CUL2: variants seen among roughly 807,000 people sequenced by gnomAD.
The protein encoded by CUL2 is cullin-2.
In CUL2, 22 loss-of-function variants were observed where a neutral mutation model predicts 110.2. The observed-to-expected ratio is 0.20, with a 90% CI of 0.14 to 0.28. The LOEUF is 0.28. Among genes scored for constraint, CUL2 ranks in the 10% least tolerant of loss-of-function variants. The probability of loss-of-function intolerance (pLI) is 1.00; values close to 1 mark genes in which losing one functional copy is unlikely to be tolerated. For synonymous variants in CUL2, 279 were observed against 293.2 expected (o/e 0.95, Z 0.49); for missense variants, 631 against 905.5 (o/e 0.70, Z 3.89).
chr10:35,097,842 C>T (rs1388320550), intron 2 of CUL2, among the ~76,000 whole-genome samples: 1 of 151,920 alleles, frequency 6.6e-6, no homozygotes, highest in East Asian at 1.9e-4. Flanking sequence ...GCCTGTAGTC[C>T]CAGCTACTGG....
rs1053961220 is a variant in CUL2 at position 35,104,620 on chromosome 10, G to A, written c.-50-3560C>T. ...GTAAATTTTAGGAAACCATAGTAAT[G>A]TGCAAATACAGGCACTCAATAAATT... On this transcript the variant is annotated intron_variant, in intron 1 of 5. Transcript: ENST00000685421. Among the ~76,000 whole-genome samples, 24 of 152,108 alleles carry A rather than the reference G, an allele frequency of 1.6e-4. 1 individual carries two copies. Among genetic ancestry groups the A allele is most frequent in the Admixed American group, 6.6e-5 (1 of 15,248 alleles).
At chr10:35,113,770 G>A (rs1026976473) in intron 1 of CUL2, among the ~76,000 whole-genome samples, 11 of 151,168 alleles carry the variant, frequency 7.3e-5, no homozygotes, top group Admixed American at 5.9e-4. Context: ...GCAGTGGCAC[G>A]ATCTCAGCTT....
chr10:35,031,273 C>T lies in CUL2; in HGVS notation c.1386+27G>A. ...TGTGCTTGTGAATGAATTTCTAGGACAATACCACATTAAAGACTTACATTA... is the reference window on the plus strand; with the variant it reads ...TGTGCTTGTGAATGAATTTCTAGGATAATACCACATTAAAGACTTACATTA... On this transcript the variant is annotated intron_variant, in intron 14 of 20. Coordinates refer to ENST00000374749, the MANE Select transcript of CUL2 (RefSeq NM_003591.4). The surrounding 1 kb of genome is among the most constrained non-coding windows in gnomAD (Gnocchi z 4.4). 7.1e-7 allele frequency: 1 copy of T among 1,406,662 alleles called. No homozygotes were observed. Among genetic ancestry groups the T allele is most frequent in the Non-Finnish European group, 9.8e-7 (1 of 1,015,666 alleles). The allele number at this position is 1,406,662 out of a possible 1,614,324, so 87.1% of individuals were successfully genotyped here.
At chr10:35,054,573 G>A in intron 4 of CUL2, 34 bp from the exon 5 acceptor site, 30 of 1,163,836 alleles carry the variant, frequency 2.6e-5, no homozygotes, top group Non-Finnish European at 3.5e-5. Context: ...TGGATATTAA[G>A]TTAAAGTCAG....
intron 9 of CUL2, among the ~76,000 whole-genome samples, chr10:35,036,887 C>A (rs1249702295): frequency 4.6e-5 from 7 of 152,132 alleles, no homozygotes; most frequent in Admixed American, 2.6e-4. Flanking sequence ...GTGCACACCA[C>A]CCCGCCTGGC....
Position 35,031,371 on chromosome 10 carries a change from G to A in CUL2, c.1315C>T (p.Leu439=). Residue 439 remains leucine, a synonymous_variant, in exon 14 of 21, where the codon CTG becomes TTG. Coordinates refer to ENST00000374749, the MANE Select transcript of CUL2 (RefSeq NM_003591.4). This position sits in a 1 kb window ranked among gnomAD's most constrained non-coding sequence, Gnocchi z 4.4. ...DVFQKFYARM[L]AKRLIHGLSM... The stretch of plus-strand genomic sequence containing the variant: ...AACCCATGAATTAAACGTTTTGCCA[G>A]CATTCTTGCGTAGAACTACATTTAA... 1.2e-6 allele frequency: 2 copies of A among 1,608,708 alleles called. No homozygotes were observed. The highest frequency in any genetic ancestry group is 2.2e-5 in the East Asian group (1 of 44,800).
At chr10:35,039,117 A>G (rs1335295167) in intron 8 of CUL2, 35 bp from the exon 9 acceptor site, 5 of 1,392,496 alleles carry the variant, frequency 3.6e-6, no homozygotes, top group Non-Finnish European at 4.8e-6. Flanking sequence ...ATGAACACAA[A>G]GTTTTACTAT....
Position 35,090,273 on chromosome 10 carries a change from AGGC to A in CUL2, c.-120_-118del, listed in dbSNP as rs1003020566. 4.3e-4 allele frequency: 67 copies of A among 157,022 alleles called. No homozygotes were observed. Among genetic ancestry groups the A allele is most frequent in the South Asian group, 8.7e-4 (5 of 5,732 alleles). The allele number at this position is 157,022 out of a possible 1,614,324, so 9.7% of individuals were successfully genotyped here. A position where few individuals can be genotyped will look rare whatever the true frequency, so the allele number is the denominator to read the frequency against. ...AAGCCCCGGCGAGGAAGGTGGGCGG[AGGC>A]GGCGGCGGCGGCGGCTGTCAGCTCG... On this transcript the variant is annotated 5_prime_UTR_variant, in exon 1 of 21. Transcript: ENST00000374749.
chr10:35,013,090 C>T (rs1474281696), intron 19 of CUL2, among the ~76,000 whole-genome samples: 1 of 152,068 alleles, frequency 6.6e-6, no homozygotes, highest in African/African-American at 2.4e-5. Flanking sequence ...CCTGTAATCC[C>T]AGCACTTTGG....
intron 17 of CUL2, among the ~76,000 whole-genome samples, chr10:35,021,550 A>C (rs1009621642): frequency 3.3e-5 from 5 of 151,978 alleles, no homozygotes; most frequent in African/African-American, 4.8e-5. Flanking sequence ...TTAATGTATG[A>C]ATATGTATTA....
intron 1 of CUL2, among the ~76,000 whole-genome samples, chr10:35,110,721 G>A (rs1280938829): frequency 6.6e-6 from 1 of 152,106 alleles, no homozygotes; most frequent in Non-Finnish European, 1.5e-5. Context: ...CCACCCTCTT[G>A]GTTGCTGCCT....
At chr10:35,034,785 A>C (rs967759677) in intron 10 of CUL2, among the ~76,000 whole-genome samples, 1 of 152,208 alleles carries the variant, frequency 6.6e-6, no homozygotes, top group African/African-American at 2.4e-5. Context: ...CCAAATTCAG[A>C]GGATATGGAA....
intron 8 of CUL2, among the ~76,000 whole-genome samples, chr10:35,040,788 T>G (rs1051597073): frequency 2.6e-5 from 4 of 152,164 alleles, no homozygotes; most frequent in African/African-American, 7.2e-5. Flanking sequence ...CCTCAGATCC[T>G]CAGGCATTAG....
intron 1 of CUL2, among the ~76,000 whole-genome samples, chr10:35,073,270 G>T (rs1489362588): frequency 1.3e-5 from 2 of 152,174 alleles, no homozygotes; most frequent in Non-Finnish European, 2.9e-5. Flanking sequence ...TGAGGGGAAG[G>T]TGAGAGTGGA....
chr10:35,104,148 C>T (rs1477047583), intron 1 of CUL2, among the ~76,000 whole-genome samples: 3 of 152,102 alleles, frequency 2.0e-5, no homozygotes, highest in Non-Finnish European at 4.4e-5. Flanking sequence ...ATGCAGGGTC[C>T]ATAAGATGAC....
intron 1 of CUL2, among the ~76,000 whole-genome samples, chr10:35,116,349 A>T (rs758764566): frequency 6.6e-6 from 1 of 152,186 alleles, no homozygotes; most frequent in Non-Finnish European, 1.5e-5. Flanking sequence ...CATCTCAAAA[A>T]AAAAATTATG....
chr10:35,026,928 C>T (rs1202387967), intron 16 of CUL2, among the ~76,000 whole-genome samples: 2 of 151,984 alleles, frequency 1.3e-5, no homozygotes, highest in African/African-American at 4.8e-5. Flanking sequence ...TGGTGTGCTG[C>T]ACCCACTAAC....
chr10:35,066,404 A>G (rs1278671325), intron 2 of CUL2, among the ~76,000 whole-genome samples: 1 of 152,276 alleles, frequency 6.6e-6, no homozygotes, highest in East Asian at 1.9e-4. Flanking sequence ...GGTTCAAGCA[A>G]TTATCCTGCC....
At chr10:35,048,728 G>T (rs376242775) in intron 6 of CUL2, among the ~76,000 whole-genome samples, 1 of 152,214 alleles carries the variant, frequency 6.6e-6, no homozygotes, top group Middle Eastern at 3.4e-3. Flanking sequence ...TCACTCAAAC[G>T]GTCAGTGACA....
Sources: allele counts gnomAD v4.1 joint callset (sites outside exome capture counted in the v4.1 genomes callset), GRCh38; gene constraint gnomAD v4.1.1; non-coding constraint Gnocchi (gnomAD v3.1); transcripts MANE v1.5; gene names NCBI Gene and HGNC (gene_info 2026-07-23, HGNC 2026-07-21).